The following CD96 variants were observed in gnomAD, a reference collection of about 807,000 sequenced individuals.
CD96 encodes the protein CD96 molecule, also known as T-cell surface protein tactile.
CD96 carries 70 observed loss-of-function variants against 71.3 expected under a neutral mutation model. The ratio of observed to expected loss-of-function variants is 0.98; its 90% confidence interval spans 0.81 to 1.20. CD96 has a LOEUF of 1.20. Among genes scored for constraint, CD96 ranks in the 50% most tolerant of loss-of-function variants. The probability of loss-of-function intolerance (pLI) is 0.00; values close to 1 mark genes in which losing one functional copy is unlikely to be tolerated. For missense variants in CD96, 742 were observed against 677.5 expected (o/e 1.10, Z -1.06); for synonymous variants, 248 against 233.0 (o/e 1.06, Z -0.59).
chr3:111,655,093 G>A (rs1436931811), downstream of CD96, among the ~76,000 whole-genome samples: 4 of 152,192 alleles, frequency 2.6e-5, no homozygotes, highest in Non-Finnish European at 5.9e-5. Flanking sequence ...TTTGAGATAA[G>A]CCTAATTCCA....
intron 2 of CD96, among the ~76,000 whole-genome samples, chr3:111,562,666 C>A (rs927376104): frequency 6.6e-6 from 1 of 152,230 alleles, no homozygotes; most frequent in Admixed American, 6.5e-5. Flanking sequence ...CATTAGGCTT[C>A]CTCTCTTTAT....
intron 4 of CD96, chr3:111,579,495 G>A: frequency 1.9e-6 from 1 of 517,876 alleles, no homozygotes. Context: ...TGCTTACAAT[G>A]AAATACCTGA....
intron 3 of CD96, among the ~76,000 whole-genome samples, chr3:111,575,224 T>C (rs1255631416): frequency 6.6e-6 from 1 of 152,242 alleles, no homozygotes; most frequent in Non-Finnish European, 1.5e-5. Context: ...GGATCTCCAC[T>C]ACTTACTGGC....
chr3:111,564,712 C>A (rs1309700594), intron 2 of CD96, among the ~76,000 whole-genome samples: 1 of 152,048 alleles, frequency 6.6e-6, no homozygotes, highest in Non-Finnish European at 1.5e-5. Context: ...CTTCTGGTAT[C>A]TTTATAGGTT....
At chr3:111,664,356 A>T (rs1316852665) in intron 14 of CD96, among the ~76,000 whole-genome samples, 2 of 152,222 alleles carry the variant, frequency 1.3e-5, no homozygotes, top group East Asian at 3.8e-4. Context: ...TGTCCTTTGC[A>T]GCAACGTGGA....
At position 111,651,983 on chromosome 3, in the gene CD96, G is replaced by C. The variant is rs950756120; in HGVS notation, c.*2177G>C. On this transcript the variant is annotated 3_prime_UTR_variant, in exon 14 of 14. Transcript: ENST00000352690. ...AAGCACCAACTTGCCAGCCATGTAA[G>C]GGAGCCATCTTGGAAGCAGATCCTC... is the stretch of plus-strand genomic sequence containing the variant. The C allele has an allele frequency of 2.6e-5, 4 of 152,030 alleles. No individual in the cohort carries two copies. The highest frequency in any genetic ancestry group is 5.9e-5 in the Non-Finnish European group (4 of 68,000). 9.4% of individuals were successfully genotyped at this position (152,030 alleles called of 1,614,324 possible).
intron 8 of CD96, among the ~76,000 whole-genome samples, chr3:111,611,213 A>G (rs150435707): frequency 6.8e-4 from 103 of 152,272 alleles, no homozygotes; most frequent in African/African-American, 2.4e-3. Context: ...GTAAAACACT[A>G]GGTCCAGTCT....
chr3:111,551,170 G>A (rs1043927151), intron 2 of CD96, among the ~76,000 whole-genome samples: 4 of 152,178 alleles, frequency 2.6e-5, no homozygotes, highest in Non-Finnish European at 5.9e-5. Context: ...ACTGGAAGAA[G>A]AGATGTTTGT....
intron 2 of CD96, among the ~76,000 whole-genome samples, chr3:111,560,934 C>G (rs1484421765): frequency 1.6e-5 from 2 of 128,868 alleles, no homozygotes; most frequent in East Asian, 2.2e-4. Context: ...CTCTAAACTT[C>G]CCTTCTCGCT....
At chr3:111,558,498 C>T in intron 2 of CD96, among the ~76,000 whole-genome samples, 1 of 77,514 alleles carries the variant, frequency 1.3e-5, no homozygotes, top group African/African-American at 5.5e-5. Flanking sequence ...TGTTTATATG[C>T]TGGATTACAT....
chr3:111,614,322 T>C (rs1427266338), intron 8 of CD96, among the ~76,000 whole-genome samples: 1 of 152,094 alleles, frequency 6.6e-6, no homozygotes, highest in Admixed American at 6.6e-5. Flanking sequence ...TCCCTCTTTA[T>C]GGGGAATGGC....
chr3:111,554,676 G>C (rs2107496889), intron 2 of CD96, among the ~76,000 whole-genome samples: 1 of 152,190 alleles, frequency 6.6e-6, no homozygotes, highest in East Asian at 1.9e-4. Context: ...CCAACTTTTT[G>C]ACACTAGGTA....
chr3:111,642,076 C>T (rs764255150), intron 12 of CD96, among the ~76,000 whole-genome samples: 3 of 152,174 alleles, frequency 2.0e-5, no homozygotes, highest in Non-Finnish European at 4.4e-5. Flanking sequence ...TCTAAGGTCA[C>T]ACCTCAAGGA....
intron 3 of CD96, among the ~76,000 whole-genome samples, chr3:111,569,697 T>G (rs1259524657): frequency 6.6e-6 from 1 of 152,254 alleles, no homozygotes; most frequent in Non-Finnish European, 1.5e-5. Flanking sequence ...GTAATCTGTT[T>G]TTCTAAGCAA....
chr3:111,550,262 T>C (rs1934629060), intron 2 of CD96, among the ~76,000 whole-genome samples: 1 of 152,156 alleles, frequency 6.6e-6, no homozygotes, highest in Non-Finnish European at 1.5e-5. Context: ...CATTATGGAA[T>C]GGAAGTCAGG....
At chr3:111,576,363 TC>T (rs1936222427) in intron 3 of CD96, among the ~76,000 whole-genome samples, 1 of 152,152 alleles carries the variant, frequency 6.6e-6, no homozygotes, top group South Asian at 2.1e-4. Flanking sequence ...TAAACACCTA[TC>T]ATCAAAAGTG....
In CD96 at chr3:111,586,598, G is replaced by A. The variant is rs561321652; in HGVS notation, c.807+1220G>A. Among the ~76,000 whole-genome samples the A allele has an allele frequency of 5.3e-5, 8 of 152,284 alleles. No individual in the cohort carries two copies. The East Asian group carries it at 1.5e-3, about 29-fold the overall frequency. On this transcript the variant is annotated intron_variant, in intron 5 of 13. Coordinates refer to ENST00000352690, the MANE Select transcript of CD96 (RefSeq NM_005816.5). ...ATTGGACTTACAGTTGCACATAGCT[G>A]GGGAAGCCTGACAATCATGGCGGAA... is the stretch of plus-strand genomic sequence containing the variant.
chr3:111,549,543 A>G (rs1401651111), intron 2 of CD96, among the ~76,000 whole-genome samples: 2 of 152,134 alleles, frequency 1.3e-5, no homozygotes, highest in East Asian at 1.9e-4. Flanking sequence ...GATAGTGTGG[A>G]TCAGTTAGAA....
chr3:111,586,247 A>C (rs1044033663), intron 5 of CD96, among the ~76,000 whole-genome samples: 3 of 152,166 alleles, frequency 2.0e-5, no homozygotes, highest in African/African-American at 7.2e-5. Context: ...TAAAAAATAT[A>C]CTCATTAATT....
Sources: allele counts gnomAD v4.1 joint callset (sites outside exome capture counted in the v4.1 genomes callset), GRCh38; gene constraint gnomAD v4.1.1; transcripts MANE v1.5; gene names NCBI Gene and HGNC (gene_info 2026-07-23, HGNC 2026-07-21).